MCF2: variants seen among roughly 807,000 people sequenced by gnomAD.
MCF2 encodes the protein MCF.2 cell line derived transforming sequence, also known as proto-oncogene DBL.
MCF2 carries 44 observed loss-of-function variants against 82.5 expected under a neutral mutation model. That is an observed-to-expected ratio of 0.53 (90% CI 0.42 to 0.69). MCF2 has a LOEUF of 0.69. Ranked by LOEUF, MCF2 falls within the 30% of genes least tolerant of loss-of-function variation. MCF2 has a pLI of 0.00. For missense variants in MCF2, 623 were observed against 663.1 expected (o/e 0.94, Z 0.66); for synonymous variants, 217 against 224.9 (o/e 0.96, Z 0.32).
chrX:139,640,906 C>A (rs757408473), intron 1 of MCF2, among the ~76,000 whole-genome samples: 4 of 110,225 alleles, frequency 3.6e-5, no homozygotes, highest in African/African-American at 6.6e-5. Context: ...TACTTAACAC[C>A]CAAACATATG....
chrX:139,644,028 C>T (rs748773034), upstream of MCF2, among the ~76,000 whole-genome samples: 1 of 111,749 alleles, frequency 8.9e-6, no homozygotes, highest in African/African-American at 3.2e-5. Context: ...ACTCAGCAAG[C>T]CCAAGGACCA....
intron 6 of MCF2, among the ~76,000 whole-genome samples, chrX:139,624,708 T>C (rs1932654968): frequency 9.0e-6 from 1 of 111,076 alleles, no homozygotes; most frequent in Admixed American, 9.6e-5. Flanking sequence ...AAGACTTGAC[T>C]GAGTCAACTG....
In MCF2 at chrX:139,638,265, A is replaced by C. The variant is rs375774493; in HGVS notation, c.51+4203T>G. On this transcript the variant is annotated intron_variant, in intron 1 of 24. Transcript: ENST00000370576. ...CCTGTTGAACTAGACTCAGTCAACA[A>C]GAGGAATTTGCAGAAGTTATAGCAG... Among the ~76,000 whole-genome samples, 7 of 111,759 alleles carry C rather than the reference A, an allele frequency of 6.3e-5. No homozygotes were observed. The East Asian group carries it at 1.4e-3, about 22-fold the overall frequency.
At chrX:139,663,925 TTCTC>T (rs747557753) in intron 1 of MCF2, among the ~76,000 whole-genome samples, 109 of 111,628 alleles carry the variant, frequency 9.8e-4, no homozygotes, top group Non-Finnish European at 1.8e-3. Context: ...ATGACCTCCT[TTCTC>T]TTTCTCCAGT....
chrX:139,672,667 A>G (rs186776748), intron 1 of MCF2, among the ~76,000 whole-genome samples: 1 of 112,158 alleles, frequency 8.9e-6, no homozygotes, highest in African/African-American at 3.2e-5. Flanking sequence ...GATGAAGCCA[A>G]CTTGATCATG....
intron 1 of MCF2, among the ~76,000 whole-genome samples, chrX:139,670,823 T>C (rs1006983590): frequency 1.4e-4 from 16 of 112,100 alleles, no homozygotes; most frequent in Admixed American, 9.4e-4. Context: ...TTTGGGTATA[T>C]ACCCAATAAT....
intron 1 of MCF2, among the ~76,000 whole-genome samples, chrX:139,688,662 C>T (rs956416154): frequency 9.9e-5 from 11 of 111,448 alleles, no homozygotes; most frequent in Non-Finnish European, 1.5e-4. Flanking sequence ...GAATACAAGA[C>T]GTTTCTTTTT....
chrX:139,689,652 C>CTTTTTTTTTTTTTTTTT (rs1569402929), intron 1 of MCF2, among the ~76,000 whole-genome samples: 3 of 108,527 alleles, frequency 2.8e-5, no homozygotes, highest in Admixed American at 1.0e-4. Context: ...CTTTGCATAT[C>CTTTTTTTTTTTTTTTTT]TTATTTCCTT....
chrX:139,655,712 G>A (rs1291735678), intron 1 of MCF2, among the ~76,000 whole-genome samples: 2 of 110,985 alleles, frequency 1.8e-5, no homozygotes, highest in African/African-American at 6.6e-5. Context: ...TGTGTGTGAT[G>A]TTCCCCTTCC....
At chrX:139,685,428 T>C (rs1027646943) in intron 1 of MCF2, among the ~76,000 whole-genome samples, 2 of 111,455 alleles carry the variant, frequency 1.8e-5, no homozygotes, top group African/African-American at 6.5e-5. Flanking sequence ...AGACATTGTA[T>C]AGAAAAGCAC....
intron 1 of MCF2, among the ~76,000 whole-genome samples, chrX:139,688,014 G>C (rs750672066): frequency 9.0e-6 from 1 of 111,643 alleles, no homozygotes; most frequent in African/African-American, 3.3e-5. Context: ...ATGGAGGAGG[G>C]GGCATGGAGG....
chrX:139,584,498 T>C (rs183939682), intron 24 of MCF2, among the ~76,000 whole-genome samples: 26 of 111,386 alleles, frequency 2.3e-4, no homozygotes, highest in Non-Finnish European at 4.1e-4. Flanking sequence ...CCCACTGGTA[T>C]CCTACCAACT....
rs1329257477 is a variant in MCF2, at chrX:139,642,607, C to A, written c.-89G>T. 7.5e-6 allele frequency: 9 copies of A among 1,200,838 alleles called. No individual in the cohort carries two copies. The African/African-American group carries it at 1.2e-4, about 16-fold the overall frequency. On this transcript the variant is annotated 5_prime_UTR_variant, in exon 1 of 25. Transcript: ENST00000370576. ...CTGCTTCTTGGGTAGTATTTAAAAA[C>A]GGCAGCCAAAAATCTCTATCAAACA...
chrX:139,646,614 AT>A (rs1933810174), upstream of MCF2, among the ~76,000 whole-genome samples: 3 of 111,862 alleles, frequency 2.7e-5, no homozygotes, highest in Non-Finnish European at 5.6e-5. Flanking sequence ...TTTTGTAACA[AT>A]TTAGGTAGCT....
intron 1 of MCF2, among the ~76,000 whole-genome samples, chrX:139,675,475 A>C (rs5954160): frequency 0.12 from 13,096 of 111,735 alleles, 1,916 homozygotes; most frequent in African/African-American, 0.4. Context: ...TGACCTACAG[A>C]TGGCGTTTTG....
intron 4 of MCF2, among the ~76,000 whole-genome samples, chrX:139,627,287 A>G (rs761161101): frequency 1.6e-4 from 18 of 111,999 alleles, no homozygotes; most frequent in Non-Finnish European, 3.0e-4. Flanking sequence ...CACAATAAAA[A>G]CCACCACAGT....
At chrX:139,651,770 C>T (rs1185908730) in exon 2 of MCF2, 22 of 1,153,805 alleles carry the variant, frequency 1.9e-5, no homozygotes, top group Middle Eastern at 2.5e-4. Context: ...GTCCTTTATA[C>T]GGAGGAGCAG....
intron 10 of MCF2, among the ~76,000 whole-genome samples, chrX:139,611,809 G>A (rs1047924558): frequency 3.6e-5 from 4 of 111,237 alleles, no homozygotes; most frequent in Non-Finnish European, 7.5e-5. Context: ...TGCAGGGAAG[G>A]AGGAGATCTG....
chrX:139,636,789 T>C (rs1309120617), intron 1 of MCF2, among the ~76,000 whole-genome samples: 1 of 111,870 alleles, frequency 8.9e-6, no homozygotes, highest in Non-Finnish European at 1.9e-5. Context: ...GGTAGGGGTA[T>C]TCAGCTGCTC....
Sources: gnomAD v4.1 joint callset for allele counts (sites outside exome capture counted in the v4.1 genomes callset) on GRCh38, gnomAD v4.1.1 for gene constraint, MANE v1.5 for transcripts, NCBI Gene and HGNC (gene_info 2026-07-23, HGNC 2026-07-21) for gene names.